STX11: variants seen among roughly 807,000 people sequenced by gnomAD.
STX11 encodes syntaxin-11.
Under a neutral mutation model 19.9 loss-of-function variants are expected in STX11, and 21 were observed. That is an observed-to-expected ratio of 1.06 (90% CI 0.75 to 1.52). The LOEUF is 1.52. Ranked by LOEUF, STX11 falls within the 40% of genes most tolerant of loss-of-function variation. The pLI is 0.00. For missense variants in STX11, 438 were observed against 405.9 expected (o/e 1.08, Z -0.68); for synonymous variants, 193 against 174.4 (o/e 1.11, Z -0.84).
In STX11 at chr6:144,159,055, A is replaced by G. The variant is rs1310996177; in HGVS notation, c.-6+8352A>G. Among the ~76,000 whole-genome samples, 1 of 152,198 alleles carries G rather than the reference A, an allele frequency of 6.6e-6. No homozygotes were observed. The highest frequency in any genetic ancestry group is 2.4e-5 in the African/African-American group (1 of 41,452). ...CTCTATTATGGCATTTATTATCATT[A>G]TTCTCTCTAACAGCCTGTAAGAGCA... On this transcript the variant is annotated intron_variant, in intron 1 of 1. Coordinates refer to ENST00000367568, the MANE Select transcript of STX11 (RefSeq NM_003764.4). This position sits in a 1 kb window ranked among gnomAD's most constrained non-coding sequence, Gnocchi z 4.3.
rs1001359100 is a variant in STX11 at position 144,180,809 on chromosome 6, A to G, written c.-5-5814A>G. Among the ~76,000 whole-genome samples the G allele has an allele frequency of 6.6e-6, 1 of 152,230 alleles. No individual in the cohort carries two copies. Among genetic ancestry groups the G allele is most frequent in the Admixed American group, 6.5e-5 (1 of 15,284 alleles). ...ATATGACAGAAAATTTTAAGATTCT[A>G]TGTGCCAAATATAGTAGGCTATTCA... is the stretch of plus-strand genomic sequence containing the variant. On this transcript the variant is annotated intron_variant, in intron 1 of 1. Coordinates refer to ENST00000367568, the MANE Select transcript of STX11 (RefSeq NM_003764.4). The surrounding 1 kb of genome is among the most constrained non-coding windows in gnomAD (Gnocchi z 5.3).
At chr6:144,178,211 A>G (rs1163072935) in intron 1 of STX11, among the ~76,000 whole-genome samples, 1 of 151,940 alleles carries the variant, frequency 6.6e-6, no homozygotes, top group Non-Finnish European at 1.5e-5. Flanking sequence ...TTATATCTCA[A>G]CTCCATAACT....
In STX11 at chr6:144,174,129, C is replaced by T. The variant is rs1002595292; in HGVS notation, c.-5-12494C>T. Among the ~76,000 whole-genome samples the T allele has an allele frequency of 1.4e-4, 21 of 152,158 alleles. No homozygotes were observed. Among genetic ancestry groups the T allele is most frequent in the Admixed American group, 6.5e-5 (1 of 15,282 alleles). ...GTGCTCAGCCTCGAGTACTGCTCAGCTGGGCATCATCTTCCTGCAGGCTAG... is the reference window on the plus strand; with the variant it reads ...GTGCTCAGCCTCGAGTACTGCTCAGTTGGGCATCATCTTCCTGCAGGCTAG... On this transcript the variant is annotated intron_variant, in intron 1 of 1. Transcript: ENST00000367568. This position sits in a 1 kb window ranked among gnomAD's most constrained non-coding sequence, Gnocchi z 5.3.
chr6:144,179,996 T>TTCTTTC (rs1400400471), intron 1 of STX11, among the ~76,000 whole-genome samples: 1 of 152,162 alleles, frequency 6.6e-6, no homozygotes, highest in Non-Finnish European at 1.5e-5. Context: ...GACTCTCTTT[T>TTCTTTC]TCTTTCTCTT....
rs1458575391 is a variant in STX11, at chr6:144,184,487, C to T, written c.-5-2136C>T. Among the ~76,000 whole-genome samples the T allele has an allele frequency of 6.6e-6, 1 of 152,218 alleles. No individual in the cohort carries two copies. Among genetic ancestry groups the T allele is most frequent in the East Asian group, 1.9e-4 (1 of 5,204 alleles). ...ATTGTTTTTAAAAAATTCCTGCTAA[C>T]TTTATGGGCAAGAAAATTCTCAGCA... On this transcript the variant is annotated intron_variant, in intron 1 of 1. Transcript: ENST00000367568. The surrounding 1 kb of genome is among the most constrained non-coding windows in gnomAD (Gnocchi z 6.5).
rs188839915 is a variant in STX11 at position 144,159,313 on chromosome 6, A to G, written c.-6+8610A>G. Reference sequence around the variant, plus strand: ...CAATTGAATATGTTATCAAACAACTACCAATAAAATATGGTGAGTACCAGA... The same window carrying G: ...CAATTGAATATGTTATCAAACAACTGCCAATAAAATATGGTGAGTACCAGA... On this transcript the variant is annotated intron_variant, in intron 1 of 1. Transcript: ENST00000367568. This position sits in a 1 kb window ranked among gnomAD's most constrained non-coding sequence, Gnocchi z 4.3. Among the ~76,000 whole-genome samples the G allele has an allele frequency of 2.6e-5, 4 of 152,322 alleles. No individual in the cohort carries two copies. Among genetic ancestry groups the G allele is most frequent in the Admixed American group, 2.6e-4 (4 of 15,292 alleles).
At position 144,184,353 on chromosome 6, in the gene STX11, C is replaced by G. The variant is rs1801978178; in HGVS notation, c.-5-2270C>G. On this transcript the variant is annotated intron_variant, in intron 1 of 1. Transcript: ENST00000367568. The surrounding 1 kb of genome is among the most constrained non-coding windows in gnomAD (Gnocchi z 6.5). ...ATTCCTATTTCTTCACAACCACCAT[C>G]AGCATCTGTTGTTTCTTGACATTTT... Among the ~76,000 whole-genome samples the G allele has an allele frequency of 6.6e-6, 1 of 152,190 alleles. No individual in the cohort carries two copies. Among genetic ancestry groups the G allele is most frequent in the Non-Finnish European group, 1.5e-5 (1 of 68,032 alleles).
chr6:144,154,381 A>G lies in STX11; in HGVS notation c.-6+3678A>G, dbSNP rs142571472. 9.0e-4 allele frequency among the ~76,000 whole-genome samples: 137 copies of G among 152,324 alleles called. No individual in the cohort carries two copies. The highest frequency in any genetic ancestry group is 3.1e-3 in the African/African-American group (130 of 41,566). On this transcript the variant is annotated intron_variant, in intron 1 of 1. Transcript: ENST00000367568. The surrounding 1 kb of genome is among the most constrained non-coding windows in gnomAD (Gnocchi z 4.7). ...ACTCCAAGAAATACCTGATTCATCT[A>G]GGAAGAAACCTGGAATAATCAGACA...
intron 1 of STX11, among the ~76,000 whole-genome samples, chr6:144,168,649 T>C (rs1051333902): frequency 3.3e-5 from 5 of 152,216 alleles, no homozygotes; most frequent in Non-Finnish European, 7.4e-5. Context: ...TTCATCATCA[T>C]CACTGAACCC....
chr6:144,187,171 G>A lies in STX11; in HGVS notation c.544G>A (p.Glu182Lys), dbSNP rs984594291. The A allele has an allele frequency of 1.9e-6, 3 of 1,613,906 alleles. No homozygotes were observed. The highest frequency in any genetic ancestry group is 2.7e-5 in the African/African-American group (2 of 74,938). The change falls in exon 2 of 2, where the codon GAG becomes AAG. Residue 182 changes from glutamate to lysine, a missense_variant. Physicochemically the swap from Glu to Lys is moderately conservative, Grantham distance 56. Transcript: ENST00000367568. The surrounding 1 kb of genome is among the most constrained non-coding windows in gnomAD (Gnocchi z 5.6). ...GGGCGACCAGATCGAGGACATGTTC[G>A]AGCAGGGTAAGTGGGACGTGTTTTC... ...VSGDQIEDMF[E>K]QGKWDVFSEN...
In STX11 at chr6:144,175,452, A is replaced by G. The variant is rs995613986; in HGVS notation, c.-5-11171A>G. Reference sequence around the variant, plus strand: ...CTCCCGAGTAGCTGGGACTACAGGTATATGCCACCACGCCCAGCTGATTTT... The same window carrying G: ...CTCCCGAGTAGCTGGGACTACAGGTGTATGCCACCACGCCCAGCTGATTTT... On this transcript the variant is annotated intron_variant, in intron 1 of 1. Coordinates refer to ENST00000367568, the MANE Select transcript of STX11 (RefSeq NM_003764.4). The surrounding 1 kb of genome is among the most constrained non-coding windows in gnomAD (Gnocchi z 5.1). 1.3e-5 allele frequency among the ~76,000 whole-genome samples: 2 copies of G among 152,080 alleles called. No homozygotes were observed. The highest frequency in any genetic ancestry group is 3.9e-4 in the East Asian group (2 of 5,182).
rs1177606838 is a variant in STX11, at chr6:144,170,889, A to G, written c.-5-15734A>G. On this transcript the variant is annotated intron_variant, in intron 1 of 1. Coordinates refer to ENST00000367568, the MANE Select transcript of STX11 (RefSeq NM_003764.4). This position sits in a 1 kb window ranked among gnomAD's most constrained non-coding sequence, Gnocchi z 4.7. ...ATATACAAAGTGCTCACTCTCTGCC[A>G]GGTGCTAGTCTTAAGAGCTTTACAT... 6.6e-6 allele frequency among the ~76,000 whole-genome samples: 1 copy of G among 152,238 alleles called. No individual in the cohort carries two copies. Among genetic ancestry groups the G allele is most frequent in the Non-Finnish European group, 1.5e-5 (1 of 68,038 alleles).
chr6:144,186,345 A>C (rs1371163517), intron 1 of STX11, among the ~76,000 whole-genome samples: 2 of 151,092 alleles, frequency 1.3e-5, no homozygotes, highest in African/African-American at 2.4e-5. Context: ...TAAATAAATA[A>C]ATAAAATTTT....
At position 144,176,051 on chromosome 6, in the gene STX11, T is replaced by C. The variant is rs1298733241; in HGVS notation, c.-5-10572T>C. On this transcript the variant is annotated intron_variant, in intron 1 of 1. Transcript: ENST00000367568. The surrounding 1 kb of genome is among the most constrained non-coding windows in gnomAD (Gnocchi z 4.1). The stretch of plus-strand genomic sequence containing the variant: ...CTTTTAGGAAAAAGAAAGAAGTGGC[T>C]GGGCTACTGCAGACAGGTTCTTCTT... Among the ~76,000 whole-genome samples the C allele has an allele frequency of 6.6e-6, 1 of 152,202 alleles. No individual in the cohort carries two copies. The highest frequency in any genetic ancestry group is 2.4e-5 in the African/African-American group (1 of 41,456).
At position 144,187,362 on chromosome 6, in the gene STX11, C is replaced by G; in HGVS notation, c.735C>G (p.Ile245Met). 6.2e-7 allele frequency: 1 copy of G among 1,610,328 alleles called. No individual in the cohort carries two copies. ...VEKQADTLNV[I>M]ELNVQKTVDY... ...AGCAGGCCGACACCCTGAACGTCAT[C>G]GAGCTCAACGTACAAAAGACGGTCG... The change falls in exon 2 of 2, where the codon ATC becomes ATG. Residue 245 changes from isoleucine to methionine, a missense_variant. Ile to Met is a conservative substitution (Grantham distance 10). Transcript: ENST00000367568. This position sits in a 1 kb window ranked among gnomAD's most constrained non-coding sequence, Gnocchi z 5.6.
In STX11 at chr6:144,186,851, C is replaced by T; in HGVS notation, c.224C>T (p.Ser75Phe). ...LGKQNARFLT[S>F]MRRLSSIKRD... The stretch of plus-strand genomic sequence containing the variant: ...AAGCAGAACGCCCGCTTCCTCACGT[C>T]CATGCGGCGCCTCAGCAGCATCAAG... Residue 75 changes from serine to phenylalanine, a missense_variant, in exon 2 of 2, where the codon TCC becomes TTC. By Grantham distance (155) the Ser-to-Phe change is radical. Coordinates refer to ENST00000367568, the MANE Select transcript of STX11 (RefSeq NM_003764.4). 6.2e-7 allele frequency: 1 copy of T among 1,613,178 alleles called. No individual in the cohort carries two copies. The highest frequency in any genetic ancestry group is 8.5e-7 in the Non-Finnish European group (1 of 1,180,004).
Position 144,187,840 on chromosome 6 carries a change from A to C in STX11, c.*349A>C, listed in dbSNP as rs1802104044. ...AGGCCTGCCTCCTAATAAAGACTCA[A>C]GGAGGAAGTCAATTGGGCATCTGCT... On this transcript the variant is annotated 3_prime_UTR_variant, in exon 2 of 2. Transcript: ENST00000367568. The surrounding 1 kb of genome is among the most constrained non-coding windows in gnomAD (Gnocchi z 5.6). The C allele has an allele frequency of 4.9e-6, 2 of 407,256 alleles. No homozygotes were observed. The highest frequency in any genetic ancestry group is 7.3e-5 in the South Asian group (2 of 27,532). 25.2% of individuals were successfully genotyped at this position (407,256 alleles called of 1,614,324 possible).
Position 144,153,053 on chromosome 6 carries a change from G to A in STX11, c.-6+2350G>A, listed in dbSNP as rs756723432. Among the ~76,000 whole-genome samples, 3 of 152,172 alleles carry A rather than the reference G, an allele frequency of 2.0e-5. No homozygotes were observed. Among genetic ancestry groups the A allele is most frequent in the Non-Finnish European group, 4.4e-5 (3 of 68,038 alleles). On this transcript the variant is annotated intron_variant, in intron 1 of 1. Transcript: ENST00000367568. The surrounding 1 kb of genome is among the most constrained non-coding windows in gnomAD (Gnocchi z 5.0). The stretch of plus-strand genomic sequence containing the variant: ...GTGAGCCAAAATGAATAAATCTACC[G>A]TATCACAGTTTACTGTTGCAATTGA...
At chr6:144,163,041 C>A (rs1041796738) in intron 1 of STX11, among the ~76,000 whole-genome samples, 1 of 152,152 alleles carries the variant, frequency 6.6e-6, no homozygotes, top group Non-Finnish European at 1.5e-5. Context: ...TTCTTTGTGT[C>A]GTAGTTGAAA....
Sources: gnomAD v4.1 joint callset for allele counts (sites outside exome capture counted in the v4.1 genomes callset) on GRCh38, gnomAD v4.1.1 for gene constraint, Gnocchi (gnomAD v3.1) non-coding constraint, MANE v1.5 for transcripts, NCBI Gene and HGNC (gene_info 2026-07-23, HGNC 2026-07-21) for gene names.